Variants in FHIT observed in about 807,000 individuals in gnomAD.
FHIT encodes the protein bis(5'-adenosyl)-triphosphatase.
FHIT carries 19 observed loss-of-function variants against 17.9 expected under a neutral mutation model. The observed-to-expected ratio is 1.06, with a 90% confidence interval of 0.74 to 1.56. The LOEUF (loss-of-function observed/expected upper bound fraction) is 1.56. Among genes scored for constraint, FHIT ranks in the 40% most tolerant of loss-of-function variants. FHIT has a pLI of 0.00. For synonymous variants in FHIT, 81 were observed against 69.7 expected (o/e 1.16, Z -0.81); for missense variants, 248 against 189.2 (o/e 1.31, Z -1.82).
chr3:60,356,251 G>A (rs1193233732), intron 5 of FHIT, among the ~76,000 whole-genome samples: 1 of 152,186 alleles, frequency 6.6e-6, no homozygotes, highest in African/African-American at 2.4e-5. Context: ...TTCTGAAACA[G>A]TTTCCCATGC....
chr3:60,201,155 C>T (rs1396510005), intron 5 of FHIT, among the ~76,000 whole-genome samples: 1 of 152,016 alleles, frequency 6.6e-6, no homozygotes, highest in Non-Finnish European at 1.5e-5. Flanking sequence ...TTGGTTTAGC[C>T]ATTTAACCAC....
chr3:61,198,293 T>C (rs968473977), intron 2 of FHIT, among the ~76,000 whole-genome samples: 4 of 152,126 alleles, frequency 2.6e-5, no homozygotes, highest in Admixed American at 6.5e-5. Context: ...AGTGGTCTCA[T>C]AGTACATGTT....
At chr3:60,180,104 T>G (rs1289199241) in intron 5 of FHIT, among the ~76,000 whole-genome samples, 1 of 152,180 alleles carries the variant, frequency 6.6e-6, no homozygotes, top group Admixed American at 6.5e-5. Flanking sequence ...TGGAGAGCAG[T>G]GGTGTTTAGG....
chr3:60,163,824 T>C (rs1484824823), intron 5 of FHIT, among the ~76,000 whole-genome samples: 1 of 152,162 alleles, frequency 6.6e-6, no homozygotes, highest in Non-Finnish European at 1.5e-5. Flanking sequence ...CAGAAGTCCC[T>C]AGAGGACAAA....
At chr3:59,859,368 G>A (rs989544479) in intron 8 of FHIT, among the ~76,000 whole-genome samples, 2 of 152,028 alleles carry the variant, frequency 1.3e-5, no homozygotes, top group African/African-American at 4.8e-5. Context: ...TCATCCTACA[G>A]GAAAAAAAGA....
At chr3:60,260,666 G>A (rs1016835225) in intron 5 of FHIT, among the ~76,000 whole-genome samples, 2 of 151,960 alleles carry the variant, frequency 1.3e-5, no homozygotes, top group Non-Finnish European at 2.9e-5. Flanking sequence ...ATAGCGGCTG[G>A]GTAAAATAAG....
rs1708495715 is a variant in FHIT at position 59,978,148 on chromosome 3, GA to G, written c.279+33222del. On this transcript the variant is annotated intron_variant, in intron 7 of 9. Coordinates refer to ENST00000492590, the MANE Select transcript of FHIT (RefSeq NM_002012.4). Reference sequence around the variant, plus strand: ...AAAGAAATTAGCAATAATACTTGAGGAAACTGAGGCCTAAAACAGGCAAAGT... The same window carrying G: ...AAAGAAATTAGCAATAATACTTGAGGAACTGAGGCCTAAAACAGGCAAAGT... 2.6e-5 allele frequency among the ~76,000 whole-genome samples: 4 copies of G among 152,026 alleles called. No individual in the cohort carries two copies. In the South Asian group the frequency reaches 6.2e-4, roughly 24 times the overall value.
At chr3:61,164,118 A>G (rs1436450642) in intron 2 of FHIT, among the ~76,000 whole-genome samples, 1 of 152,188 alleles carries the variant, frequency 6.6e-6, no homozygotes, top group Admixed American at 6.5e-5. Context: ...TTGAAAAACC[A>G]TGGAGATCGA....
At chr3:60,058,593 C>T (rs533278699) in intron 5 of FHIT, among the ~76,000 whole-genome samples, 1 of 152,088 alleles carries the variant, frequency 6.6e-6, no homozygotes, top group African/African-American at 2.4e-5. Flanking sequence ...AAAATGTTCC[C>T]TGCTTTTCCC....
chr3:60,204,453 T>TGTTTTG (rs148487698), intron 5 of FHIT, among the ~76,000 whole-genome samples: 2 of 141,146 alleles, frequency 1.4e-5, no homozygotes, highest in South Asian at 2.2e-4. Context: ...GGTTTTTTTT[T>TGTTTTG]TTTTGTTTTG....
At chr3:61,089,731 C>G (rs942594266) in intron 2 of FHIT, among the ~76,000 whole-genome samples, 1 of 152,098 alleles carries the variant, frequency 6.6e-6, no homozygotes, top group Non-Finnish European at 1.5e-5. Flanking sequence ...TGTAAAGAGA[C>G]TAAGTTTTAT....
chr3:60,143,499 G>T (rs562878476), intron 5 of FHIT, among the ~76,000 whole-genome samples: 1 of 152,214 alleles, frequency 6.6e-6, no homozygotes, highest in South Asian at 2.1e-4. Context: ...GTATGGAGCA[G>T]AGCCATCCAC....
At chr3:61,212,742 C>A (rs543214236) in intron 1 of FHIT, among the ~76,000 whole-genome samples, 1 of 152,214 alleles carries the variant, frequency 6.6e-6, no homozygotes, top group African/African-American at 2.4e-5. Flanking sequence ...ATGTTAAGGG[C>A]AGCCAGACAG....
At chr3:60,632,776 AG>A in intron 4 of FHIT, among the ~76,000 whole-genome samples, 1 of 152,114 alleles carries the variant, frequency 6.6e-6, no homozygotes, top group East Asian at 1.9e-4. Context: ...CACCGAGGAA[AG>A]GGTTAAAAAA....
intron 5 of FHIT, among the ~76,000 whole-genome samples, chr3:60,504,986 G>A (rs748974278): frequency 6.6e-6 from 1 of 152,134 alleles, no homozygotes; most frequent in Non-Finnish European, 1.5e-5. Context: ...AAAACCAACA[G>A]GTCCCAGGGG....
At chr3:60,018,371 T>A (rs1305218794) in intron 5 of FHIT, among the ~76,000 whole-genome samples, 1 of 152,144 alleles carries the variant, frequency 6.6e-6, no homozygotes, top group East Asian at 1.9e-4. Context: ...AATTTCAACA[T>A]GAGGTTTGGA....
chr3:61,078,296 A>G (rs576399031), intron 2 of FHIT, among the ~76,000 whole-genome samples: 2 of 152,198 alleles, frequency 1.3e-5, no homozygotes, highest in Non-Finnish European at 2.9e-5. Flanking sequence ...ATTTTTATTC[A>G]CCCATCGCTC....
At chr3:61,000,784 G>A (rs1342606058) in intron 3 of FHIT, among the ~76,000 whole-genome samples, 2 of 152,142 alleles carry the variant, frequency 1.3e-5, no homozygotes, top group African/African-American at 2.4e-5. Context: ...GGGAGAGCCT[G>A]CTCCCTCTGG....
chr3:60,725,309 AT>A (rs1222524408), intron 4 of FHIT, among the ~76,000 whole-genome samples: 1 of 151,990 alleles, frequency 6.6e-6, no homozygotes. Flanking sequence ...CAATTTATCC[AT>A]TTTTTTCTTG....
Sources: gnomAD v4.1 joint callset for allele counts (sites outside exome capture counted in the v4.1 genomes callset) on GRCh38, gnomAD v4.1.1 for gene constraint, MANE v1.5 for transcripts, NCBI Gene and HGNC (gene_info 2026-07-23, HGNC 2026-07-21) for gene names.